OLFM2: variants seen among roughly 807,000 people sequenced by gnomAD.
OLFM2 encodes noelin-2.
OLFM2 carries 20 observed loss-of-function variants against 43.9 expected under a neutral mutation model. The ratio of observed to expected loss-of-function variants is 0.46; its 90% CI spans 0.32 to 0.66. OLFM2 has a LOEUF of 0.66. Ranked by LOEUF, OLFM2 falls within the 30% of genes least tolerant of loss-of-function variation. The probability of loss-of-function intolerance (pLI) is 0.04; values close to 1 mark genes in which losing one functional copy is unlikely to be tolerated. For synonymous variants in OLFM2, 268 were observed against 278.6 expected (o/e 0.96, Z 0.38); for missense variants, 416 against 643.6 (o/e 0.65, Z 3.83).
intron 1 of OLFM2, among the ~76,000 whole-genome samples, chr19:9,876,261 C>T (rs2046486778): frequency 6.6e-6 from 1 of 152,170 alleles, no homozygotes; most frequent in African/African-American, 2.4e-5. Flanking sequence ...GAAATCAATC[C>T]GTCCGCGTGT....
intron 1 of OLFM2, among the ~76,000 whole-genome samples, chr19:9,923,663 G>T (rs1011836982): frequency 2.1e-5 from 3 of 144,600 alleles, no homozygotes; most frequent in East Asian, 3.9e-4. Context: ...GAAAAGAAAA[G>T]AAAGAAAAAA....
chr19:9,887,708 G>A (rs533323967), intron 1 of OLFM2, among the ~76,000 whole-genome samples: 16 of 151,966 alleles, frequency 1.1e-4, no homozygotes, highest in African/African-American at 3.4e-4. Flanking sequence ...AGTCTCTCCC[G>A]TGCTGAGAAC....
At chr19:9,882,258 G>C (rs2046545887) in intron 1 of OLFM2, among the ~76,000 whole-genome samples, 1 of 146,868 alleles carries the variant, frequency 6.8e-6, no homozygotes, top group South Asian at 2.2e-4. Flanking sequence ...AAAAAAAAAG[G>C]CCAGGCGCGG....
intron 1 of OLFM2, among the ~76,000 whole-genome samples, chr19:9,861,100 A>T (rs2046362698): frequency 6.7e-6 from 1 of 148,838 alleles, no homozygotes; most frequent in Admixed American, 6.6e-5. Context: ...GACTGCCATT[A>T]GAACAGAGAT....
At position 9,856,581 on chromosome 19, in the gene OLFM2, A is replaced by G. The variant is rs777768637; in HGVS notation, c.687+226T>C. Among the ~76,000 whole-genome samples, 2 of 152,248 alleles carry G rather than the reference A, an allele frequency of 1.3e-5. No homozygotes were observed. The highest frequency in any genetic ancestry group is 2.9e-5 in the Non-Finnish European group (2 of 68,042). The stretch of plus-strand genomic sequence containing the variant: ...AACTGGTCAGTAGAACTCAGTAACC[A>G]TTAGCCACTATACAGACACTGGAGG... On this transcript the variant is annotated intron_variant, in intron 5 of 5. Coordinates refer to ENST00000264833, the MANE Select transcript of OLFM2 (RefSeq NM_058164.4). The surrounding 1 kb of genome is among the most constrained non-coding windows in gnomAD (Gnocchi z 4.0).
chr19:9,857,046 C>G lies in OLFM2; in HGVS notation c.581-133G>C, dbSNP rs2046324826. 4.6e-6 allele frequency: 4 copies of G among 872,598 alleles called. No homozygotes were observed. The allele number at this position is 872,598 out of a possible 1,614,324, so 54.1% of individuals were successfully genotyped here. A position where few individuals can be genotyped will look rare whatever the true frequency, so the allele number is the denominator to read the frequency against. On this transcript the variant is annotated intron_variant, in intron 4 of 5. Coordinates refer to ENST00000264833, the MANE Select transcript of OLFM2 (RefSeq NM_058164.4). This position sits in a 1 kb window ranked among gnomAD's most constrained non-coding sequence, Gnocchi z 5.7. ...GAGGGAAGACTCAAAAATCTGGTCC[C>G]AATATGTTGTTCAGTTGTGAGTGAG...
At chr19:9,933,219 A>G (rs1330215983) in intron 1 of OLFM2, among the ~76,000 whole-genome samples, 1 of 152,000 alleles carries the variant, frequency 6.6e-6, no homozygotes, top group African/African-American at 2.4e-5. Context: ...TGGCTCAAAT[A>G]GCCCCCACCT....
chr19:9,923,555 A>AG (rs950944148), intron 1 of OLFM2, among the ~76,000 whole-genome samples: 1 of 146,852 alleles, frequency 6.8e-6, no homozygotes, highest in Non-Finnish European at 1.5e-5. Flanking sequence ...AGACTGTCTC[A>AG]GGAAAAAAAA....
chr19:9,931,719 A>T (rs1391240208), intron 1 of OLFM2, among the ~76,000 whole-genome samples: 3 of 151,716 alleles, frequency 2.0e-5, no homozygotes, highest in Non-Finnish European at 1.5e-5. Context: ...AAAAATAAAA[A>T]AAAAAAAAGA....
chr19:9,860,395 A>AC (rs1437709258), intron 2 of OLFM2, among the ~76,000 whole-genome samples: 1 of 150,454 alleles, frequency 6.6e-6, no homozygotes, highest in African/African-American at 2.5e-5. Context: ...GATTGCTTGA[A>AC]CCTAGGAGTT....
intron 1 of OLFM2, among the ~76,000 whole-genome samples, chr19:9,862,478 C>T (rs1246054343): frequency 1.3e-5 from 2 of 151,526 alleles, no homozygotes; most frequent in African/African-American, 4.9e-5. Context: ...TTAAGGCCAC[C>T]CTGGGCAACA....
At chr19:9,929,562 C>G (rs1000386966) in intron 1 of OLFM2, among the ~76,000 whole-genome samples, 1 of 151,636 alleles carries the variant, frequency 6.6e-6, no homozygotes, top group Non-Finnish European at 1.5e-5. Flanking sequence ...CACCACTTCA[C>G]GCCAGCCTGG....
intron 1 of OLFM2, among the ~76,000 whole-genome samples, chr19:9,899,686 G>GGACT (rs1359398347): frequency 6.6e-6 from 1 of 151,914 alleles, no homozygotes; most frequent in Non-Finnish European, 1.5e-5. Context: ...CAAGTAGCTG[G>GGACT]GACTACAGGT....
At chr19:9,862,018 T>G (rs1175188560) in intron 1 of OLFM2, among the ~76,000 whole-genome samples, 1 of 48,080 alleles carries the variant, frequency 2.1e-5, no homozygotes, top group African/African-American at 9.2e-5. Flanking sequence ...AGACTCCGTC[T>G]CAAAGAAAAA....
At chr19:9,884,970 T>C (rs2046574043) in intron 1 of OLFM2, among the ~76,000 whole-genome samples, 1 of 152,182 alleles carries the variant, frequency 6.6e-6, no homozygotes, top group Admixed American at 6.6e-5. Context: ...CTGTCTGCTC[T>C]CTTCCTCCTT....
chr19:9,928,990 G>A (rs534804614), intron 1 of OLFM2, among the ~76,000 whole-genome samples: 58 of 151,950 alleles, frequency 3.8e-4, no homozygotes, highest in Non-Finnish European at 6.5e-4. Flanking sequence ...GCTGAGGCAG[G>A]AGAATTGCTT....
At position 9,854,170 on chromosome 19, in the gene OLFM2, G is replaced by C; in HGVS notation, c.*16C>G. The C allele has an allele frequency of 6.2e-7, 1 of 1,613,624 alleles. No individual in the cohort carries two copies. Among genetic ancestry groups the C allele is most frequent in the Non-Finnish European group, 8.5e-7 (1 of 1,179,668 alleles). ...CCAGAGGCCCCCCAGGCAGCAGCCC[G>C]AGCCACAGCATTGGCTCAGGGGTCC... On this transcript the variant is annotated 3_prime_UTR_variant, in exon 6 of 6. Coordinates refer to ENST00000264833, the MANE Select transcript of OLFM2 (RefSeq NM_058164.4). This position sits in a 1 kb window ranked among gnomAD's most constrained non-coding sequence, Gnocchi z 9.5.
intron 1 of OLFM2, among the ~76,000 whole-genome samples, chr19:9,863,206 CAAG>C (rs943505702): frequency 1.3e-5 from 2 of 151,960 alleles, no homozygotes; most frequent in Non-Finnish European, 2.9e-5. Context: ...GTTTGTGAAA[CAAG>C]GAGGAGGCCC....
At chr19:9,881,242 C>T (rs1376777876) in intron 1 of OLFM2, among the ~76,000 whole-genome samples, 1 of 152,172 alleles carries the variant, frequency 6.6e-6, no homozygotes. Context: ...ATTAACCTTG[C>T]CCACATCTCT....
Sources: allele counts gnomAD v4.1 joint callset (sites outside exome capture counted in the v4.1 genomes callset), GRCh38; gene constraint gnomAD v4.1.1; non-coding constraint Gnocchi (gnomAD v3.1); transcripts MANE v1.5; gene names NCBI Gene and HGNC (gene_info 2026-07-23, HGNC 2026-07-21).